Variants in COPG2 observed in about 807,000 individuals in gnomAD.
COPG2 encodes the protein coatomer subunit gamma-2.
A neutral mutation model predicts 46.3 loss-of-function variants in COPG2; 37 were observed. The observed-to-expected ratio is 0.80, with a 90% CI of 0.61 to 1.05. The LOEUF (loss-of-function observed/expected upper bound fraction) is 1.05, where lower values mean the gene tolerates loss of function less well. Among genes scored for constraint, COPG2 ranks in the 50% least tolerant of loss-of-function variants. The probability of loss-of-function intolerance (pLI) is 0.00; values close to 1 mark genes in which losing one functional copy is unlikely to be tolerated. For synonymous variants in COPG2, 159 were observed against 129.7 expected (o/e 1.23, Z -1.53); for missense variants, 427 against 387.8 (o/e 1.10, Z -0.85).
At chr7:130,566,190 G>T (rs1793800211) in intron 9 of COPG2, among the ~76,000 whole-genome samples, 1 of 152,170 alleles carries the variant, frequency 6.6e-6, no homozygotes, top group African/African-American at 2.4e-5. Flanking sequence ...ATTCTGACTG[G>T]TGTGAAATTG....
intron 20 of COPG2, among the ~76,000 whole-genome samples, chr7:130,532,507 G>A (rs933762171): frequency 5.9e-5 from 9 of 152,188 alleles, no homozygotes; most frequent in Admixed American, 1.3e-4. Flanking sequence ...CGGAGGAGCC[G>A]GGTCTCAGGC....
intron 9 of COPG2, among the ~76,000 whole-genome samples, chr7:130,583,157 C>T (rs1247371712): frequency 2.6e-5 from 4 of 151,342 alleles, no homozygotes; most frequent in Non-Finnish European, 5.9e-5. Context: ...CCATGGAATA[C>T]TATGCAGCCA....
At chr7:130,589,735 AAAT>A (rs1411454980) in intron 9 of COPG2, among the ~76,000 whole-genome samples, 2 of 152,210 alleles carry the variant, frequency 1.3e-5, no homozygotes, top group African/African-American at 4.8e-5. Context: ...ATAGATGAAA[AAAT>A]AATGTCACCT....
chr7:130,539,653 A>C (rs1799916945), intron 20 of COPG2, among the ~76,000 whole-genome samples: 1 of 152,128 alleles, frequency 6.6e-6, no homozygotes, highest in Admixed American at 6.5e-5. Flanking sequence ...TGTGGATGCA[A>C]GGGGAAAGGC....
At chr7:130,559,597 A>C (rs1793685871) in intron 12 of COPG2, among the ~76,000 whole-genome samples, 1 of 152,214 alleles carries the variant, frequency 6.6e-6, no homozygotes, top group Admixed American at 6.5e-5. Context: ...TAAGTCACTG[A>C]GGAATCATAG....
At chr7:130,524,688 G>A (rs1799757406) in intron 20 of COPG2, among the ~76,000 whole-genome samples, 2 of 152,136 alleles carry the variant, frequency 1.3e-5, no homozygotes, top group African/African-American at 4.8e-5. Flanking sequence ...GTTCATGGAT[G>A]ACAAAGCATA....
chr7:130,608,113 T>C (rs1424606509), intron 9 of COPG2: 1 of 374,500 alleles, frequency 2.7e-6, no homozygotes, highest in Non-Finnish European at 5.2e-6. Flanking sequence ...AAGATCTATA[T>C]GTTTTACAAA....
intron 4 of COPG2, among the ~76,000 whole-genome samples, chr7:130,662,739 A>G (rs1212253573): frequency 6.6e-6 from 1 of 152,236 alleles, no homozygotes; most frequent in Non-Finnish European, 1.5e-5. Flanking sequence ...GAAGCTAGGT[A>G]TTAACAGTCT....
intron 14 of COPG2, among the ~76,000 whole-genome samples, chr7:130,553,788 A>G (rs1167147701): frequency 1.3e-5 from 2 of 152,176 alleles, no homozygotes; most frequent in African/African-American, 4.8e-5. Context: ...AAGAGTGAGG[A>G]GTGATGGAAA....
chr7:130,588,756 C>A (rs376149291), intron 9 of COPG2, among the ~76,000 whole-genome samples: 1 of 152,024 alleles, frequency 6.6e-6, no homozygotes, highest in Non-Finnish European at 1.5e-5. Flanking sequence ...TGTAACAAAC[C>A]TGCACGTTGT....
chr7:130,523,137 A>AAAAAAAAGGC (rs1799739494), intron 20 of COPG2, among the ~76,000 whole-genome samples: 1 of 150,514 alleles, frequency 6.6e-6, no homozygotes, highest in East Asian at 2.0e-4. Flanking sequence ...AAAAAAAAGA[A>AAAAAAAAGGC]GGCTCCAGGC....
intron 20 of COPG2, among the ~76,000 whole-genome samples, chr7:130,510,474 GAAGA>G (rs1453261470): frequency 1.3e-5 from 2 of 152,164 alleles, no homozygotes; most frequent in Admixed American, 6.5e-5. Context: ...AAGTTAGAAT[GAAGA>G]GTCAGGAGAG....
At position 130,508,576 on chromosome 7, in the gene COPG2, C is replaced by T; in HGVS notation, c.2233G>A (p.Asp745Asn). Residue 745 changes from aspartate (D) to asparagine (N), a missense_variant, in exon 21 of 24, where the codon GAT (aspartate) becomes AAT (asparagine). Asp to Asn is a conservative substitution (Grantham distance 23). Coordinates refer to ENST00000425248, the MANE Select transcript of COPG2 (RefSeq NM_012133.6). Reference sequence around the variant, plus strand: ...GGAAGACTCACCACATACTCATCATCATACCCATCCTCATCTGGAACTCCA... The same window carrying T: ...GGAAGACTCACCACATACTCATCATTATACCCATCCTCATCTGGAACTCCA... ...NTGVPDEDGY[D>N]DEYVLEDLEV... 1.3e-6 allele frequency: 1 copy of T among 776,336 alleles called. No individual in the cohort carries two copies. The highest frequency in any genetic ancestry group is 2.4e-6 in the Non-Finnish European group (1 of 416,176). 48.1% of individuals were successfully genotyped at this position (776,336 alleles called of 1,614,324 possible).
intron 3 of COPG2, among the ~76,000 whole-genome samples, chr7:130,664,566 G>C (rs1796036946): frequency 6.6e-6 from 1 of 152,140 alleles, no homozygotes; most frequent in Non-Finnish European, 1.5e-5. Flanking sequence ...CAAGTTCTAG[G>C]CAAAGAGATA....
chr7:130,538,398 G>A (rs992074199), intron 20 of COPG2, among the ~76,000 whole-genome samples: 415 of 152,176 alleles, frequency 2.7e-3, no homozygotes, highest in Non-Finnish European at 3.8e-3. Context: ...CTTAGTGTCC[G>A]TACAGGGTCC....
chr7:130,659,599 A>C (rs1378178847), intron 4 of COPG2, among the ~76,000 whole-genome samples: 2 of 152,114 alleles, frequency 1.3e-5, no homozygotes, highest in East Asian at 3.9e-4. Context: ...CAAGCCAGTA[A>C]ATCTTAAAAA....
rs1796016685 is a variant in COPG2, at chr7:130,663,455, T to C, written c.172-417A>G. Among the ~76,000 whole-genome samples the C allele has an allele frequency of 2.0e-5, 3 of 152,086 alleles. No homozygotes were observed. In the South Asian group the frequency reaches 6.2e-4, roughly 31 times the overall value. On this transcript the variant is annotated intron_variant, in intron 3 of 23. Transcript: ENST00000425248. Reference sequence around the variant, plus strand: ...TGCCTAACATGTCATGGGAGCATAATAAATATTAAAATATAAGGAACTATC... The same window carrying C: ...TGCCTAACATGTCATGGGAGCATAACAAATATTAAAATATAAGGAACTATC...
At chr7:130,583,321 A>G (rs1412804848) in intron 9 of COPG2, among the ~76,000 whole-genome samples, 5 of 138,018 alleles carry the variant, frequency 3.6e-5, no homozygotes, top group African/African-American at 5.4e-5. Context: ...CACAGGAAGG[A>G]GAATATCACA....
chr7:130,573,935 ATTTC>A (rs1793957260), intron 9 of COPG2, among the ~76,000 whole-genome samples: 1 of 152,206 alleles, frequency 6.6e-6, no homozygotes, highest in South Asian at 2.1e-4. Context: ...TAGTTTGGCA[ATTTC>A]TTTAAAAGTT....
Sources: allele counts gnomAD v4.1 joint callset (sites outside exome capture counted in the v4.1 genomes callset), GRCh38; gene constraint gnomAD v4.1.1; transcripts MANE v1.5; gene names NCBI Gene and HGNC (gene_info 2026-07-23, HGNC 2026-07-21).